COMMD1: variants seen among roughly 807,000 people sequenced by gnomAD.
COMMD1 encodes the protein copper metabolism domain containing 1.
Under a neutral mutation model 17.2 loss-of-function variants are expected in COMMD1, and 10 were observed. That is an observed-to-expected ratio of 0.58 (90% CI 0.36 to 0.99). The LOEUF is 0.99. Ranked by LOEUF, COMMD1 falls within the 50% of genes least tolerant of loss-of-function variation. The probability of loss-of-function intolerance (pLI) is 0.01; values close to 1 mark genes in which losing one functional copy is unlikely to be tolerated. For synonymous variants in COMMD1, 97 were observed against 91.6 expected, an observed-to-expected ratio of 1.06 and a Z score of -0.34; for missense variants, 270 against 231.8, an observed-to-expected ratio of 1.17 and a Z score of -1.07.
At chr2:61,999,237 A>G (rs1055080308) in intron 1 of COMMD1, among the ~76,000 whole-genome samples, 5 of 152,234 alleles carry the variant, frequency 3.3e-5, no homozygotes, top group African/African-American at 1.2e-4. Flanking sequence ...GGTATGCTAA[A>G]GATTACTGTG....
chr2:62,105,072 C>A (rs1234968528), intron 2 of COMMD1, among the ~76,000 whole-genome samples: 1 of 150,014 alleles, frequency 6.7e-6, no homozygotes, highest in Non-Finnish European at 1.5e-5. Context: ...TTGCGGTAAG[C>A]TGAGATCGCA....
rs960808920 is a variant in COMMD1, at chr2:61,889,294, C to T, written n.119+452C>T. On this transcript the variant is annotated intron_variant and non_coding_transcript_variant, in intron 1 of 2. Transcript: ENST00000472729. The stretch of plus-strand genomic sequence containing the variant: ...CGATCTTGGCTCACTGCAGCCTCGA[C>T]CTCCGGGGCCCAAGCGATCCTCCCG... Among the ~76,000 whole-genome samples the T allele has an allele frequency of 2.0e-5, 3 of 149,216 alleles. No homozygotes were observed. The Admixed American group carries it at 2.0e-4, about 10-fold the overall frequency.
chr2:61,993,713 C>CAG (rs1441337018), intron 1 of COMMD1, among the ~76,000 whole-genome samples: 1 of 152,154 alleles, frequency 6.6e-6, no homozygotes, highest in African/African-American at 2.4e-5. Context: ...TGAACCTAAA[C>CAG]CAAAATCAAT....
chr2:61,889,204 T>TTTTC, intron 1 of COMMD1, among the ~76,000 whole-genome samples: 1 of 111,590 alleles, frequency 9.0e-6, no homozygotes, highest in Non-Finnish European at 1.9e-5. Context: ...AGCCCGGCCT[T>TTTTC]TTTTTTTTTT....
At chr2:61,969,018 G>C in intron 1 of COMMD1, 1 of 444,724 alleles carries the variant, frequency 2.2e-6, no homozygotes, top group Non-Finnish European at 4.5e-6. Context: ...GTATTCATAG[G>C]CACAATCATG....
At chr2:61,902,410 G>A (rs1572944047), upstream of COMMD1, among the ~76,000 whole-genome samples, 1 of 152,014 alleles carries the variant, frequency 6.6e-6, no homozygotes, top group East Asian at 2.0e-4. Flanking sequence ...GGAGCCTGAG[G>A]CAGGAGAATC....
At chr2:62,005,238 C>G (rs937884277) in intron 2 of COMMD1, among the ~76,000 whole-genome samples, 3 of 152,166 alleles carry the variant, frequency 2.0e-5, no homozygotes, top group African/African-American at 7.2e-5. Context: ...GTTAATAGAA[C>G]TTGGTATCAT....
chr2:62,066,757 G>T (rs1671059744), intron 2 of COMMD1, among the ~76,000 whole-genome samples: 1 of 151,032 alleles, frequency 6.6e-6, no homozygotes. Flanking sequence ...ACACAGTCTT[G>T]CTCTGTCACC....
At chr2:61,968,963 T>G in intron 1 of COMMD1, 1 of 322,526 alleles carries the variant, frequency 3.1e-6, no homozygotes, top group East Asian at 8.8e-5. Flanking sequence ...TTTTTTTTTT[T>G]TAAAGACAGG....
At chr2:62,121,352 A>G in intron 2 of COMMD1, among the ~76,000 whole-genome samples, 1 of 135,832 alleles carries the variant, frequency 7.4e-6, no homozygotes, top group East Asian at 2.2e-4. Flanking sequence ...CCTGGGCAAC[A>G]GAGTGAGAGA....
At chr2:62,016,765 T>C (rs1258901683) in intron 2 of COMMD1, among the ~76,000 whole-genome samples, 1 of 152,196 alleles carries the variant, frequency 6.6e-6, no homozygotes, top group Non-Finnish European at 1.5e-5. Flanking sequence ...GCTTTTGGTA[T>C]CCTATCCAAG....
intron 2 of COMMD1, among the ~76,000 whole-genome samples, chr2:62,104,633 C>CAAAAA (rs35679940): frequency 3.8e-4 from 29 of 76,664 alleles, no homozygotes; most frequent in South Asian, 4.8e-4. Context: ...GACTCCGTCT[C>CAAAAA]AAAAAAAAAA....
intron 2 of COMMD1, among the ~76,000 whole-genome samples, chr2:62,042,432 C>G (rs182646295): frequency 2.6e-5 from 4 of 152,186 alleles, no homozygotes; most frequent in African/African-American, 4.8e-5. Flanking sequence ...TGGCACTCTC[C>G]GGGGGACTTT....
intron 2 of COMMD1, among the ~76,000 whole-genome samples, chr2:62,042,704 A>G (rs1670267370): frequency 6.6e-6 from 1 of 152,208 alleles, no homozygotes; most frequent in African/African-American, 2.4e-5. Context: ...GCGGATGCCG[A>G]GGCTGAGGAG....
chr2:61,976,320 T>G (rs1292497184), intron 1 of COMMD1, among the ~76,000 whole-genome samples: 3 of 151,804 alleles, frequency 2.0e-5, no homozygotes, highest in African/African-American at 7.3e-5. Context: ...ATAAAAAAGA[T>G]AAAGATACAC....
intron 2 of COMMD1, among the ~76,000 whole-genome samples, chr2:62,005,841 C>G (rs961348432): frequency 1.3e-5 from 2 of 151,422 alleles, no homozygotes; most frequent in African/African-American, 4.9e-5. Flanking sequence ...CATCCCATTA[C>G]TGGGTATATA....
At chr2:61,913,260 G>C (rs764810491) in intron 1 of COMMD1, among the ~76,000 whole-genome samples, 1 of 150,796 alleles carries the variant, frequency 6.6e-6, no homozygotes, top group African/African-American at 2.4e-5. Context: ...CCAGCTACTC[G>C]GGAAGCTGAG....
chr2:62,025,644 T>TG (rs200462763), intron 2 of COMMD1, among the ~76,000 whole-genome samples: 2,492 of 152,308 alleles, frequency 0.016, 65 homozygotes, highest in African/African-American at 0.057. Flanking sequence ...GACAGGTAAG[T>TG]AAAAGATGAC....
chr2:62,062,295 C>T (rs1200124069), intron 2 of COMMD1, among the ~76,000 whole-genome samples: 1 of 151,460 alleles, frequency 6.6e-6, no homozygotes, highest in Non-Finnish European at 1.5e-5. Context: ...GGCATGATCT[C>T]AGCTCACTGC....
Sources: gnomAD v4.1 joint callset for allele counts (sites outside exome capture counted in the v4.1 genomes callset) on GRCh38, gnomAD v4.1.1 for gene constraint, MANE v1.5 for transcripts, NCBI Gene and HGNC (gene_info 2026-07-23, HGNC 2026-07-21) for gene names.